The following CLINT1 variants were observed in gnomAD, a reference collection of about 807,000 sequenced individuals.
CLINT1 encodes clathrin interacting protein localized in the trans-Golgi region.
A neutral mutation model predicts 70.4 loss-of-function variants in CLINT1; 15 were observed. The observed-to-expected ratio is 0.21, with a 90% CI of 0.14 to 0.33. The LOEUF (loss-of-function observed/expected upper bound fraction) is 0.33. Ranked by LOEUF, CLINT1 falls within the 10% of genes least tolerant of loss-of-function variation. CLINT1 has a pLI of 1.00. For missense variants in CLINT1, 615 were observed against 778.1 expected (o/e 0.79, Z 2.49); for synonymous variants, 227 against 254.7 (o/e 0.89, Z 1.04).
intron 1 of CLINT1, among the ~76,000 whole-genome samples, chr5:157,822,212 CTTT>C (rs11344096): frequency 7.0e-6 from 1 of 143,694 alleles, no homozygotes; most frequent in Non-Finnish European, 1.5e-5. Flanking sequence ...ATTTGATGGT[CTTT>C]TTTTTTTTTT....
chr5:157,853,281 C>A (rs890672934), intron 1 of CLINT1, among the ~76,000 whole-genome samples: 2 of 150,756 alleles, frequency 1.3e-5, no homozygotes, highest in Non-Finnish European at 1.5e-5. Flanking sequence ...AGAGGCCAGT[C>A]GCAGTGAGTT....
rs534618329 is a variant in CLINT1 at position 157,852,485 on chromosome 5, C to G, written c.41+6445G>C. Among the ~76,000 whole-genome samples the G allele has an allele frequency of 2.6e-5, 4 of 152,148 alleles. No individual in the cohort carries two copies. The East Asian group carries it at 7.7e-4, about 29-fold the overall frequency. ...AAATAACCTAGTCTGACAATGATATCTCTATTTTCACAAACACTGTATTCC... is the reference window on the plus strand; with the variant it reads ...AAATAACCTAGTCTGACAATGATATGTCTATTTTCACAAACACTGTATTCC... On this transcript the variant is annotated intron_variant, in intron 1 of 11. Coordinates refer to ENST00000411809, the MANE Select transcript of CLINT1 (RefSeq NM_014666.4).
intron 11 of CLINT1, 117 bp downstream of exon 11, chr5:157,789,246 T>G: frequency 1.1e-6 from 1 of 870,006 alleles, no homozygotes; most frequent in Non-Finnish European, 1.9e-6. Flanking sequence ...TGAACAGGCA[T>G]TTGGTTAACT....
intron 7 of CLINT1, among the ~76,000 whole-genome samples, chr5:157,805,312 T>C (rs962406257): frequency 6.6e-6 from 1 of 152,174 alleles, no homozygotes; most frequent in African/African-American, 2.4e-5. Context: ...TTGAAAAGAC[T>C]AGGGTTTGGC....
chr5:157,840,383 G>C (rs1347096905), intron 1 of CLINT1, among the ~76,000 whole-genome samples: 1 of 151,908 alleles, frequency 6.6e-6, no homozygotes. Flanking sequence ...CCTGGAATGG[G>C]ACAACTGACA....
chr5:157,805,226 A>G (rs1172089883), intron 7 of CLINT1, among the ~76,000 whole-genome samples: 1 of 152,206 alleles, frequency 6.6e-6, no homozygotes, highest in Non-Finnish European at 1.5e-5. Context: ...CAAACTGGGG[A>G]AACAGTAGTC....
intron 1 of CLINT1, among the ~76,000 whole-genome samples, chr5:157,824,397 C>T (rs956022212): frequency 6.6e-6 from 1 of 152,168 alleles, no homozygotes; most frequent in African/African-American, 2.4e-5. Context: ...AGGTAGATTA[C>T]TTTCATTGTT....
intron 8 of CLINT1, among the ~76,000 whole-genome samples, chr5:157,800,512 TTAAA>T (rs1762178029): frequency 1.3e-5 from 2 of 152,128 alleles, no homozygotes; most frequent in Admixed American, 1.3e-4. Flanking sequence ...ATTAAAATAT[TTAAA>T]TAGAGATTGG....
chr5:157,792,070 A>C (rs1002407687), intron 9 of CLINT1, 75 bp from the exon 10 acceptor site: 27 of 1,316,186 alleles, frequency 2.1e-5, no homozygotes, highest in African/African-American at 2.9e-5. Context: ...TATGAACTGA[A>C]ACAAATTAGA....
At chr5:157,828,934 A>C (rs1230363822) in intron 1 of CLINT1, among the ~76,000 whole-genome samples, 2 of 150,782 alleles carry the variant, frequency 1.3e-5, no homozygotes, top group African/African-American at 2.4e-5. Flanking sequence ...ACTTAAAAAA[A>C]AAAAAAAAAA....
chr5:157,836,684 C>T (rs997341468), intron 1 of CLINT1, among the ~76,000 whole-genome samples: 1 of 152,216 alleles, frequency 6.6e-6, no homozygotes, highest in African/African-American at 2.4e-5. Context: ...CACTTTCTCA[C>T]CAGCTCTTTC....
intron 1 of CLINT1, among the ~76,000 whole-genome samples, chr5:157,823,340 A>T (rs918968976): frequency 6.6e-6 from 1 of 152,224 alleles, no homozygotes; most frequent in Admixed American, 6.5e-5. Context: ...ACTAAAGGCC[A>T]TTAAAAATAT....
chr5:157,830,747 CCTCTCTCTCCCTCT>C (rs1212090780), intron 1 of CLINT1, among the ~76,000 whole-genome samples: 34 of 91,328 alleles, frequency 3.7e-4, no homozygotes, highest in Admixed American at 9.4e-4. Flanking sequence ...CCTGCCCCTC[CCTCTCTCTCCCTCT>C]CTCTCTCTCT....
rs1345410861 is a variant in CLINT1 at position 157,785,803 on chromosome 5, T to C, written c.*1843A>G. 2 of 152,156 alleles carry C rather than the reference T, an allele frequency of 1.3e-5. No individual in the cohort carries two copies. Among genetic ancestry groups the C allele is most frequent in the East Asian group, 1.9e-4 (1 of 5,200 alleles). 9.4% of individuals were successfully genotyped at this position (152,156 alleles called of 1,614,324 possible). A position where few individuals can be genotyped will look rare whatever the true frequency, so the allele number is the denominator to read the frequency against. On this transcript the variant is annotated 3_prime_UTR_variant, in exon 12 of 12. Transcript: ENST00000411809. The stretch of plus-strand genomic sequence containing the variant: ...ATACATATTTGAGAAAGTGAAGATA[T>C]ACTTCTTAAAGAAAAAATTTACTTA...
At chr5:157,834,648 C>T (rs1364051306) in intron 1 of CLINT1, among the ~76,000 whole-genome samples, 4 of 152,082 alleles carry the variant, frequency 2.6e-5, no homozygotes, top group African/African-American at 7.2e-5. Context: ...CCTTTACTTT[C>T]TTATCTCAGT....
rs1762372338 is a variant in CLINT1 at position 157,805,970 on chromosome 5, T to G, written c.838A>C (p.Asn280His). ...TTTTRHKRTANPSKTIDLGAA... is the reference protein window; with the variant it reads ...TTTTRHKRTAHPSKTIDLGAA... ...CCAAGATCAATGGTTTTGGAAGGAT[T>G]TGCTGTGCGCTTGTGTCTGGTTGTG... Residue 280 changes from asparagine to histidine, a missense_variant, in exon 7 of 12, where the codon AAT (asparagine) becomes CAT (histidine). By Grantham distance (68) the Asn-to-His change is moderately conservative. Coordinates refer to ENST00000411809, the MANE Select transcript of CLINT1 (RefSeq NM_014666.4). The G allele has an allele frequency of 1.2e-6, 2 of 1,613,968 alleles. No individual in the cohort carries two copies. Among genetic ancestry groups the G allele is most frequent in the South Asian group, 1.1e-5 (1 of 91,072 alleles).
chr5:157,790,681 T>A (rs1431237595), intron 10 of CLINT1: 2 of 453,862 alleles, frequency 4.4e-6, no homozygotes, highest in Non-Finnish European at 8.8e-6. Flanking sequence ...ATTAGCATCA[T>A]AAACACATAT....
At chr5:157,838,407 G>A (rs1763508355) in intron 1 of CLINT1, among the ~76,000 whole-genome samples, 1 of 152,184 alleles carries the variant, frequency 6.6e-6, no homozygotes, top group Non-Finnish European at 1.5e-5. Context: ...ACAGGCGTGA[G>A]CCACAGCATC....
chr5:157,832,173 C>T (rs975461161), intron 1 of CLINT1, among the ~76,000 whole-genome samples: 1 of 151,412 alleles, frequency 6.6e-6, no homozygotes, highest in Non-Finnish European at 1.5e-5. Flanking sequence ...AGTAGAAATG[C>T]GGTTTTGCCA....
Sources: allele counts gnomAD v4.1 joint callset (sites outside exome capture counted in the v4.1 genomes callset), GRCh38; gene constraint gnomAD v4.1.1; transcripts MANE v1.5; gene names NCBI Gene and HGNC (gene_info 2026-07-23, HGNC 2026-07-21).